Variants in ANKRD33B observed in about 807,000 individuals in gnomAD.
ANKRD33B encodes the protein ankyrin repeat domain-containing protein 33B.
A neutral mutation model predicts 21.5 loss-of-function variants in ANKRD33B; 6 were observed. That is an observed-to-expected ratio of 0.28 (90% confidence interval 0.15 to 0.55). The LOEUF (loss-of-function observed/expected upper bound fraction) is 0.55. Ranked by LOEUF, ANKRD33B falls within the 20% of genes least tolerant of loss-of-function variation. The probability of loss-of-function intolerance (pLI) is 0.94; values close to 1 mark genes in which losing one functional copy is unlikely to be tolerated. For synonymous variants in ANKRD33B, 347 were observed against 342.4 expected, an observed-to-expected ratio of 1.01 and a Z score of -0.15; for missense variants, 698 against 747.2, an observed-to-expected ratio of 0.93 and a Z score of 0.77.
intron 2 of ANKRD33B, among the ~76,000 whole-genome samples, chr5:10,633,533 C>T (rs1473285662): frequency 1.3e-5 from 2 of 152,262 alleles, no homozygotes; most frequent in Admixed American, 1.3e-4. Flanking sequence ...ACGTCCGTGA[C>T]GCGCTGAACA....
intron 3 of ANKRD33B, among the ~76,000 whole-genome samples, chr5:10,646,145 T>C (rs2126608129): frequency 6.6e-6 from 1 of 152,260 alleles, no homozygotes; most frequent in Middle Eastern, 3.4e-3. Flanking sequence ...GGATTTTGTG[T>C]AGACTTAGAG....
intron 2 of ANKRD33B, among the ~76,000 whole-genome samples, chr5:10,632,401 CG>C (rs1736743135): frequency 6.6e-6 from 1 of 152,150 alleles, no homozygotes; most frequent in South Asian, 2.1e-4. Context: ...CGGTCGGGCC[CG>C]GGTGGCGTGG....
At chr5:10,640,699 G>A (rs11133617) in intron 3 of ANKRD33B, among the ~76,000 whole-genome samples, 63,776 of 152,006 alleles carry the variant, frequency 0.42, 13,656 homozygotes, top group Middle Eastern at 0.56. Context: ...CCTGCTTGGC[G>A]CTGCAAGTTC....
Position 10,579,962 on chromosome 5 carries a change from C to T in ANKRD33B, c.366+15129C>T, listed in dbSNP as rs374260275. On this transcript the variant is annotated intron_variant, in intron 1 of 3. Coordinates refer to ENST00000296657, the MANE Select transcript of ANKRD33B (RefSeq NM_001164440.2). ...CATCAATTCAGAAAGAACCACATAC[C>T]TTTTAGCTTTTACCCTCTATTCCCC... 5.8e-4 allele frequency among the ~76,000 whole-genome samples: 89 copies of T among 152,238 alleles called. No individual in the cohort carries two copies. The South Asian group carries it at 0.018, about 31-fold the overall frequency.
At chr5:10,597,455 A>C (rs555402756) in intron 1 of ANKRD33B, among the ~76,000 whole-genome samples, 1 of 152,102 alleles carries the variant, frequency 6.6e-6, no homozygotes, top group African/African-American at 2.4e-5. Context: ...AGGGCATTAC[A>C]TAATGGTAAA....
chr5:10,633,198 T>C (rs1460386902), intron 2 of ANKRD33B, among the ~76,000 whole-genome samples: 3 of 149,926 alleles, frequency 2.0e-5, no homozygotes, highest in Non-Finnish European at 4.4e-5. Context: ...ACCTCCTGGG[T>C]TCAAGCAATT....
At chr5:10,611,443 G>A (rs928310352) in intron 1 of ANKRD33B, among the ~76,000 whole-genome samples, 5 of 152,132 alleles carry the variant, frequency 3.3e-5, no homozygotes, top group East Asian at 1.9e-4. Context: ...TGTGTGGTTC[G>A]CCTGCTTTTC....
At chr5:10,605,005 T>G (rs1235305121) in intron 1 of ANKRD33B, among the ~76,000 whole-genome samples, 1 of 152,370 alleles carries the variant, frequency 6.6e-6, no homozygotes, top group South Asian at 2.1e-4. Context: ...GGATGCTGGC[T>G]GTGGCTGTAG....
At chr5:10,584,628 T>C (rs1209410473) in intron 1 of ANKRD33B, among the ~76,000 whole-genome samples, 1 of 152,198 alleles carries the variant, frequency 6.6e-6, no homozygotes, top group Non-Finnish European at 1.5e-5. Context: ...TTGCCTCTTT[T>C]TCAGTTTAAT....
chr5:10,599,327 T>A (rs1361982965), intron 1 of ANKRD33B, among the ~76,000 whole-genome samples: 1 of 152,222 alleles, frequency 6.6e-6, no homozygotes, highest in Non-Finnish European at 1.5e-5. Context: ...TATTCCATTA[T>A]TAATTTTTAA....
chr5:10,615,956 A>G (rs1053428838), intron 1 of ANKRD33B, among the ~76,000 whole-genome samples: 18 of 152,242 alleles, frequency 1.2e-4, no homozygotes, highest in African/African-American at 3.6e-4. Flanking sequence ...GCTTTTAAGT[A>G]GAGCCTGCCT....
rs1219260154 is a variant in ANKRD33B, at chr5:10,649,713, T to TG, written c.1091dup (p.Ala365ArgfsTer201). On this transcript the variant is annotated frameshift_variant, in exon 4 of 4. Transcript: ENST00000296657. LOFTEE classifies it low-confidence loss of function (END_TRUNC). The stretch of plus-strand genomic sequence containing the variant: ...CCCCAGGCGCAGGAGGAGGATGAGG[T>TG]GGGGGGCGCGGGGCAGCGCGGGCGG... The TG allele has an allele frequency of 2.0e-6, 3 of 1,510,096 alleles. No homozygotes were observed. The highest frequency in any genetic ancestry group is 2.6e-6 in the Non-Finnish European group (3 of 1,133,190). The allele number at this position is 1,510,096 out of a possible 1,614,324, so 93.5% of individuals were successfully genotyped here.
At chr5:10,612,046 C>T (rs905821919) in intron 1 of ANKRD33B, among the ~76,000 whole-genome samples, 4 of 152,156 alleles carry the variant, frequency 2.6e-5, no homozygotes, top group Admixed American at 2.0e-4. Context: ...CTGCCTGTGG[C>T]GCCGGGCTTG....
chr5:10,571,487 C>T (rs533520573), intron 1 of ANKRD33B, among the ~76,000 whole-genome samples: 4 of 152,156 alleles, frequency 2.6e-5, no homozygotes, highest in Non-Finnish European at 4.4e-5. Flanking sequence ...CAGGCCTGTG[C>T]CACCGCCCCT....
chr5:10,604,737 A>G (rs1250409538), intron 1 of ANKRD33B, among the ~76,000 whole-genome samples: 3 of 152,130 alleles, frequency 2.0e-5, no homozygotes, highest in Admixed American at 1.3e-4. Context: ...AACTTTAATG[A>G]ATGATCCAGT....
At chr5:10,592,500 G>C (rs1579721652) in intron 1 of ANKRD33B, among the ~76,000 whole-genome samples, 1 of 147,636 alleles carries the variant, frequency 6.8e-6, no homozygotes, top group East Asian at 2.0e-4. Flanking sequence ...GGTGGCGGCT[G>C]TAATCCCAGC....
At chr5:10,632,492 C>T (rs888180358) in intron 2 of ANKRD33B, among the ~76,000 whole-genome samples, 20 of 152,116 alleles carry the variant, frequency 1.3e-4, no homozygotes, top group African/African-American at 4.8e-4. Context: ...CGGGGCCAGG[C>T]GTCATTTCCA....
chr5:10,567,843 TAAAG>T (rs1398617546), intron 1 of ANKRD33B, among the ~76,000 whole-genome samples: 7 of 152,122 alleles, frequency 4.6e-5, no homozygotes, highest in Non-Finnish European at 1.0e-4. Flanking sequence ...GTGAAAACCT[TAAAG>T]AAGGCCCGGA....
chr5:10,638,136 G>C lies in ANKRD33B; in HGVS notation c.605G>C (p.Arg202Pro), dbSNP rs917303505. 2.0e-6 allele frequency: 3 copies of C among 1,537,258 alleles called. No homozygotes were observed. The Admixed American group carries it at 5.9e-5, about 30-fold the overall frequency. Reference protein sequence around the residue: ...TALMKAAMQGRTDCIRALMLA... With the variant: ...TALMKAAMQGPTDCIRALMLA... ...CTGATGAAAGCCGCCATGCAGGGTC[G>C]AACGGACTGCATCCGAGCCCTGATG... Residue 202 changes from arginine to proline, a missense_variant, in exon 3 of 4, where the codon CGA becomes CCA. Around this residue, in one of 3 missense-constraint regions of ANKRD33B, gnomAD observed 543 missense variants for 566.5 expected, o/e 0.96. Transcript: ENST00000296657.
Sources: allele counts gnomAD v4.1 joint callset (sites outside exome capture counted in the v4.1 genomes callset), GRCh38; gene constraint gnomAD v4.1.1; regional missense constraint gnomAD v4.1.1; transcripts MANE v1.5; gene names NCBI Gene and HGNC (gene_info 2026-07-23, HGNC 2026-07-21).